Variants in DMD observed in about 807,000 individuals in gnomAD.
DMD encodes mutant dystrophin.
DMD carries 63 observed loss-of-function variants against 330.1 expected under a neutral mutation model. The ratio of observed to expected loss-of-function variants is 0.19; its 90% CI spans 0.16 to 0.24. DMD has a LOEUF of 0.24. Among genes scored for constraint, DMD ranks in the 10% least tolerant of loss-of-function variants. The pLI is 1.00. For synonymous variants in DMD, 1,223 were observed against 959.8 expected, an observed-to-expected ratio of 1.27 and a Z score of -5.07; for missense variants, 3,344 against 2,684.1, an observed-to-expected ratio of 1.25 and a Z score of -5.43.
At chrX:31,547,448 A>G (rs2074208770) in intron 55 of DMD, among the ~76,000 whole-genome samples, 1 of 112,375 alleles carries the variant, frequency 8.9e-6, no homozygotes, top group Non-Finnish European at 1.9e-5. Context: ...ATTAGGCTCT[A>G]AAAACAAATT....
At chrX:32,737,367 T>C (rs1395267667) in intron 7 of DMD, among the ~76,000 whole-genome samples, 1 of 111,605 alleles carries the variant, frequency 9.0e-6, no homozygotes, top group Non-Finnish European at 1.9e-5. Flanking sequence ...ATGACTATTT[T>C]ATGGTATTTT....
chrX:32,152,514 G>T (rs2096809596), intron 44 of DMD, among the ~76,000 whole-genome samples: 1 of 111,034 alleles, frequency 9.0e-6, no homozygotes, highest in Non-Finnish European at 1.9e-5. Context: ...TTCTATATTT[G>T]TCTCTTCACT....
At chrX:31,733,176 T>A (rs1371408737) in intron 51 of DMD, among the ~76,000 whole-genome samples, 1 of 111,505 alleles carries the variant, frequency 9.0e-6, no homozygotes, top group South Asian at 3.7e-4. Context: ...AAGTCTTTAA[T>A]CTCACTAAGT....
intron 7 of DMD, among the ~76,000 whole-genome samples, chrX:32,746,192 A>G (rs1326008771): frequency 8.9e-6 from 1 of 112,137 alleles, no homozygotes; most frequent in African/African-American, 3.2e-5. Context: ...AGATTTGCAA[A>G]TAGCCCCAGA....
intron 1 of DMD, among the ~76,000 whole-genome samples, chrX:33,305,522 C>T (rs1197189158): frequency 7.1e-4 from 73 of 103,077 alleles, no homozygotes; most frequent in Non-Finnish European, 1.2e-3. Context: ...ACATACGTAA[C>T]TAACCTGCAC....
At chrX:32,558,519 A>G (rs1322991777) in intron 16 of DMD, among the ~76,000 whole-genome samples, 2 of 111,643 alleles carry the variant, frequency 1.8e-5, no homozygotes, top group Non-Finnish European at 3.8e-5. Flanking sequence ...AATACAGTGT[A>G]ATAATTTCAT....
At chrX:33,225,540 A>G (rs755229215) in intron 1 of DMD, among the ~76,000 whole-genome samples, 14 of 111,809 alleles carry the variant, frequency 1.3e-4, no homozygotes, top group Non-Finnish European at 2.3e-4. Context: ...GAACCTTGAC[A>G]TAACTTTACA....
chrX:32,643,975 G>A (rs1383657323), intron 11 of DMD, among the ~76,000 whole-genome samples, 157 bp downstream of exon 11: 1 of 111,917 alleles, frequency 8.9e-6, no homozygotes, highest in Non-Finnish European at 1.9e-5. Context: ...AAACCAAAAT[G>A]TTATTTCTAT....
intron 60 of DMD, among the ~76,000 whole-genome samples, chrX:31,428,013 T>C (rs1230240482): frequency 2.7e-5 from 3 of 112,466 alleles, no homozygotes; most frequent in African/African-American, 9.7e-5. Flanking sequence ...TATCTTCTGG[T>C]TCAGTCATAT....
At chrX:32,593,198 C>A (rs953996091) in intron 13 of DMD, among the ~76,000 whole-genome samples, 2 of 112,285 alleles carry the variant, frequency 1.8e-5, no homozygotes, top group African/African-American at 6.5e-5. Flanking sequence ...AAAGTGACAC[C>A]CAAGGATCCC....
intron 1 of DMD, among the ~76,000 whole-genome samples, chrX:33,201,177 C>T (rs1448382740): frequency 1.8e-5 from 2 of 110,452 alleles, no homozygotes; most frequent in Non-Finnish European, 3.8e-5. Flanking sequence ...GTGATCTGCC[C>T]GCCTTGGCCT....
intron 11 of DMD, among the ~76,000 whole-genome samples, chrX:32,614,738 T>C (rs2057424695): frequency 9.0e-6 from 1 of 111,316 alleles, no homozygotes; most frequent in Non-Finnish European, 1.9e-5. Flanking sequence ...GACTAAGTAG[T>C]ATATTTTGGC....
chrX:32,393,626 A>C (rs773643446), intron 30 of DMD, among the ~76,000 whole-genome samples: 1 of 111,519 alleles, frequency 9.0e-6, no homozygotes, highest in African/African-American at 3.3e-5. Context: ...AACAGGGTAC[A>C]TTTGTATAAT....
At chrX:33,009,584 G>GTGTGTATGTGTGTATGTGTATATACACA (rs2093577002) in intron 2 of DMD, among the ~76,000 whole-genome samples, 1 of 63,302 alleles carries the variant, frequency 1.6e-5, no homozygotes, top group Non-Finnish European at 3.2e-5. Flanking sequence ...ATACACATAT[G>GTGTGTATGTGTGTATGTGTATATACACA]TGTGTATGTG....
intron 44 of DMD, among the ~76,000 whole-genome samples, chrX:32,106,489 A>G (rs760831185): frequency 1.4e-3 from 157 of 111,964 alleles, no homozygotes; most frequent in African/African-American, 5.0e-3. Flanking sequence ...AATATGAAAC[A>G]CTAGGATGAG....
At chrX:32,388,341 C>CTTTTTTTTTTTTTTTTTTTTTTTT (rs3044988) in intron 32 of DMD, among the ~76,000 whole-genome samples, 2 of 78,569 alleles carry the variant, frequency 2.5e-5, no homozygotes, top group African/African-American at 1.1e-4. Flanking sequence ...TTATGCTTTC[C>CTTTTTTTTTTTTTTTTTTTTTTTT]TTTTTTTTTT....
At chrX:31,729,800 CT>C in intron 51 of DMD, 52 bp from the exon 52 acceptor site, 1 of 984,342 alleles carries the variant, frequency 1.0e-6, no homozygotes, top group Non-Finnish European at 1.5e-6. Flanking sequence ...TTGTGTATTC[CT>C]TTTACATAAT....
In DMD at chrX:31,478,215, G is replaced by A. The variant is rs751810893; in HGVS notation, c.8828C>T (p.Thr2943Met). Residue 2943 changes from threonine to methionine, a missense_variant, in exon 59 of 79, where the codon ACG becomes ATG. Coordinates refer to ENST00000357033, the MANE Select transcript of DMD (RefSeq NM_004006.3). Reference protein sequence around the residue: ...LERLRELQEATDELDLKLRQA... With the variant: ...LERLRELQEAMDELDLKLRQA... Reference sequence around the variant, plus strand: ...GCGCAGCTTGAGGTCCAGCTCATCCGTGGCCTCTTGAAGTTCCCGGAGTCT... The same window carrying A: ...GCGCAGCTTGAGGTCCAGCTCATCCATGGCCTCTTGAAGTTCCCGGAGTCT... The A allele has an allele frequency of 9.9e-6, 12 of 1,208,802 alleles. No homozygotes were observed. In the Admixed American group the frequency reaches 1.5e-4, roughly 15 times the overall value.
intron 9 of DMD, 121 bp downstream of exon 9, chrX:32,697,749 A>C: frequency 9.8e-7 from 1 of 1,022,972 alleles, no homozygotes; most frequent in Non-Finnish European, 1.3e-6. Context: ...ACTTGGAAAA[A>C]CAAACCAGCT....
Sources: allele counts gnomAD v4.1 joint callset (sites outside exome capture counted in the v4.1 genomes callset), GRCh38; gene constraint gnomAD v4.1.1; transcripts MANE v1.5; gene names NCBI Gene and HGNC (gene_info 2026-07-23, HGNC 2026-07-21).